TAFA1: variants seen among roughly 807,000 people sequenced by gnomAD.
TAFA1 encodes TAFA chemokine like family member 1.
A neutral mutation model predicts 18.5 loss-of-function variants in TAFA1; 4 were observed. The observed-to-expected ratio is 0.22, with a 90% CI of 0.11 to 0.49. The LOEUF (loss-of-function observed/expected upper bound fraction) is 0.49, where lower values mean the gene tolerates loss of function less well. Ranked by LOEUF, TAFA1 falls within the 20% of genes least tolerant of loss-of-function variation. The pLI is 0.98. For missense variants in TAFA1, 147 were observed against 169.0 expected (o/e 0.87, Z 0.72); for synonymous variants, 56 against 55.2 (o/e 1.01, Z -0.06).
At chr3:68,496,983 A>G (rs2072560577) in intron 3 of TAFA1, among the ~76,000 whole-genome samples, 1 of 152,074 alleles carries the variant, frequency 6.6e-6, no homozygotes, top group African/African-American at 2.4e-5. Context: ...TTTAGTAGAG[A>G]GAGAGAGACC....
chr3:68,129,206 A>G (rs2065509113), intron 2 of TAFA1, among the ~76,000 whole-genome samples: 1 of 152,214 alleles, frequency 6.6e-6, no homozygotes, highest in Non-Finnish European at 1.5e-5. Context: ...GCCTAACATC[A>G]GACAGCTGGT....
At chr3:68,458,436 A>C (rs539359986) in intron 3 of TAFA1, among the ~76,000 whole-genome samples, 6 of 152,216 alleles carry the variant, frequency 3.9e-5, no homozygotes, top group Non-Finnish European at 5.9e-5. Context: ...GAATTAGTAC[A>C]TGGACATTTG....
At chr3:68,120,241 CTTTCTTT>C (rs1559527662) in intron 2 of TAFA1, among the ~76,000 whole-genome samples, 4 of 83,416 alleles carry the variant, frequency 4.8e-5, no homozygotes, top group African/African-American at 1.8e-4. Context: ...TTCTTTCTTT[CTTTCTTT>C]CTTTCTTTCT....
At chr3:68,380,469 G>C (rs2069921372) in intron 2 of TAFA1, among the ~76,000 whole-genome samples, 1 of 152,138 alleles carries the variant, frequency 6.6e-6, no homozygotes, top group South Asian at 2.1e-4. Flanking sequence ...TCTAACTGGT[G>C]TGTGATGGTA....
chr3:68,102,797 A>T (rs1394164661), intron 2 of TAFA1, among the ~76,000 whole-genome samples: 1 of 152,150 alleles, frequency 6.6e-6, no homozygotes, highest in East Asian at 1.9e-4. Flanking sequence ...AGACCAGGCC[A>T]ACTAGCCCTG....
chr3:68,184,568 T>C (rs1393854080), intron 2 of TAFA1, among the ~76,000 whole-genome samples: 1 of 152,148 alleles, frequency 6.6e-6, no homozygotes, highest in Admixed American at 6.6e-5. Flanking sequence ...ACATAGGTAA[T>C]TTTTGGCATG....
At chr3:68,432,860 A>T (rs2071203688) in intron 3 of TAFA1, among the ~76,000 whole-genome samples, 1 of 151,978 alleles carries the variant, frequency 6.6e-6, no homozygotes, top group South Asian at 2.1e-4. Flanking sequence ...CACATTAGGT[A>T]CAGGTTGACT....
chr3:68,152,554 T>C (rs1267843478), intron 2 of TAFA1, among the ~76,000 whole-genome samples: 2 of 152,116 alleles, frequency 1.3e-5, no homozygotes, highest in African/African-American at 4.8e-5. Context: ...ATATGAAGAC[T>C]TGATGCTTTT....
At chr3:68,459,157 C>A (rs1465477383) in intron 3 of TAFA1, among the ~76,000 whole-genome samples, 1 of 152,092 alleles carries the variant, frequency 6.6e-6, no homozygotes, top group Non-Finnish European at 1.5e-5. Flanking sequence ...CCATTTTGGG[C>A]AAGGAAGTGC....
intron 2 of TAFA1, among the ~76,000 whole-genome samples, chr3:68,240,685 C>CA (rs1343864858): frequency 6.6e-6 from 1 of 152,158 alleles, no homozygotes; most frequent in African/African-American, 2.4e-5. Context: ...TGGAAAGACA[C>CA]AGAGTGGACA....
chr3:68,069,954 T>A (rs1423500205), intron 2 of TAFA1, among the ~76,000 whole-genome samples: 1 of 152,204 alleles, frequency 6.6e-6, no homozygotes, highest in Non-Finnish European at 1.5e-5. Flanking sequence ...GTCTCCCTCC[T>A]GGCTTCTTTC....
At chr3:68,419,788 T>C (rs1287066009) in intron 3 of TAFA1, among the ~76,000 whole-genome samples, 2 of 152,116 alleles carry the variant, frequency 1.3e-5, no homozygotes, top group African/African-American at 4.8e-5. Context: ...AGAAACACAC[T>C]CAAGCTAGGC....
At chr3:68,371,035 G>C (rs1265633592) in intron 2 of TAFA1, among the ~76,000 whole-genome samples, 1 of 151,972 alleles carries the variant, frequency 6.6e-6, no homozygotes, top group Non-Finnish European at 1.5e-5. Context: ...AACAGGCCAA[G>C]CAAGTCAGAA....
intron 2 of TAFA1, among the ~76,000 whole-genome samples, chr3:68,226,764 T>C (rs1324928699): frequency 6.6e-6 from 1 of 152,168 alleles, no homozygotes; most frequent in Non-Finnish European, 1.5e-5. Context: ...AGCTCAGAAG[T>C]GATTTGGCTC....
chr3:68,217,661 T>G (rs1177636288), intron 2 of TAFA1, among the ~76,000 whole-genome samples: 2 of 152,030 alleles, frequency 1.3e-5, no homozygotes, highest in Admixed American at 1.3e-4. Flanking sequence ...AACTGCTGTG[T>G]GGGGATATAG....
chr3:68,219,033 C>T (rs2066698717), intron 2 of TAFA1, among the ~76,000 whole-genome samples: 1 of 151,254 alleles, frequency 6.6e-6, no homozygotes, highest in African/African-American at 2.4e-5. Context: ...TATTTTAAAC[C>T]AAGATGTTCT....
chr3:68,174,888 C>T (rs1391804069), intron 2 of TAFA1, among the ~76,000 whole-genome samples: 1 of 152,214 alleles, frequency 6.6e-6, no homozygotes, highest in Non-Finnish European at 1.5e-5. Flanking sequence ...CCTCCCATCA[C>T]AGGCCCAGAG....
chr3:68,364,624 G>A (rs928898900), intron 2 of TAFA1, among the ~76,000 whole-genome samples: 1 of 152,106 alleles, frequency 6.6e-6, no homozygotes, highest in Non-Finnish European at 1.5e-5. Flanking sequence ...AGTTTCTAGG[G>A]AAACTGAGAT....
chr3:68,219,517 C>T (rs923210839), intron 2 of TAFA1, among the ~76,000 whole-genome samples: 1 of 152,084 alleles, frequency 6.6e-6, no homozygotes, highest in Non-Finnish European at 1.5e-5. Context: ...CCAGGCCCAT[C>T]CAATCAGCTT....
Sources: allele counts gnomAD v4.1 joint callset (sites outside exome capture counted in the v4.1 genomes callset), GRCh38; gene constraint gnomAD v4.1.1; transcripts MANE v1.5; gene names NCBI Gene and HGNC (gene_info 2026-07-23, HGNC 2026-07-21).